The following MEGF6 variants were observed in gnomAD, a reference collection of about 807,000 sequenced individuals.
MEGF6 encodes multiple epidermal growth factor-like domains protein 6.
Under a neutral mutation model 207.1 loss-of-function variants are expected in MEGF6, and 184 were observed. The observed-to-expected ratio is 0.89, with a 90% CI of 0.79 to 1.00. MEGF6 has a LOEUF of 1.00. Ranked by LOEUF, MEGF6 falls within the 50% of genes least tolerant of loss-of-function variation. MEGF6 has a pLI of 0.00. For missense variants in MEGF6, 2,282 were observed against 2,202.9 expected, an observed-to-expected ratio of 1.04 and a Z score of -0.72; for synonymous variants, 1,038 against 910.0, an observed-to-expected ratio of 1.14 and a Z score of -2.53.
chr1:3,517,319 C>G (rs1051215348), intron 5 of MEGF6, among the ~76,000 whole-genome samples: 2 of 152,188 alleles, frequency 1.3e-5, no homozygotes, highest in African/African-American at 4.8e-5. Context: ...ACAGGCAGAG[C>G]CCTGAGACGC....
intron 1 of MEGF6, among the ~76,000 whole-genome samples, chr1:3,610,473 C>CCCTCCTCCTCCTCCT (rs879724888): frequency 1.4e-5 from 2 of 146,338 alleles, no homozygotes; most frequent in South Asian, 2.2e-4. Context: ...CCAGCGACTC[C>CCCTCCTCCTCCTCCT]CCTCCTCCTC....
chr1:3,531,413 G>A (rs907899938), intron 4 of MEGF6: 3 of 1,136,644 alleles, frequency 2.6e-6, no homozygotes, highest in African/African-American at 1.6e-5. Flanking sequence ...AGCCGCTCTG[G>A]GCCGGGCGCG....
At chr1:3,531,963 C>G (rs967819389) in intron 4 of MEGF6, among the ~76,000 whole-genome samples, 1 of 152,212 alleles carries the variant, frequency 6.6e-6, no homozygotes, top group South Asian at 2.1e-4. Flanking sequence ...CCAGTCCCCA[C>G]GTCCAGTGCC....
chr1:3,529,288 A>G (rs1381542733), intron 4 of MEGF6, among the ~76,000 whole-genome samples: 1 of 152,158 alleles, frequency 6.6e-6, no homozygotes, highest in Non-Finnish European at 1.5e-5. Context: ...GCCCCAGCAA[A>G]GGCCGAAAGG....
chr1:3,608,334 C>CA (rs1425153739), intron 1 of MEGF6, among the ~76,000 whole-genome samples: 1 of 152,140 alleles, frequency 6.6e-6, no homozygotes, highest in African/African-American at 2.4e-5. Flanking sequence ...CCTTCCCCTC[C>CA]AGGTCACGTG....
At chr1:3,491,976 T>C (rs958355902) in intron 35 of MEGF6, among the ~76,000 whole-genome samples, 15 of 151,862 alleles carry the variant, frequency 9.9e-5, no homozygotes. Flanking sequence ...CGCACATGCA[T>C]GCACTATTGC....
chr1:3,502,066 G>A (rs1640921571), intron 17 of MEGF6, 145 bp from the exon 18 acceptor site: 4 of 1,429,106 alleles, frequency 2.8e-6, no homozygotes, highest in Admixed American at 4.0e-5. Flanking sequence ...CTCCTCACAT[G>A]GGCTCCTGGC....
Position 3,556,899 on chromosome 1 carries a change from C to T in MEGF6, c.481+22926G>A, listed in dbSNP as rs749464053. 5.9e-5 allele frequency among the ~76,000 whole-genome samples: 9 copies of T among 152,284 alleles called. No homozygotes were observed. Among genetic ancestry groups the T allele is most frequent in the Non-Finnish European group, 1.0e-4 (7 of 68,032 alleles). On this transcript the variant is annotated intron_variant, in intron 4 of 36. Coordinates refer to ENST00000356575, the MANE Select transcript of MEGF6 (RefSeq NM_001409.4). The surrounding 1 kb of genome is among the most constrained non-coding windows in gnomAD (Gnocchi z 4.4). ...AGGGGAGCCAGGGCTGTGGAAAGAA[C>T]GAAGGCAGCCCCTCAGCCGACCTGA...
chr1:3,523,696 T>C (rs1418081631), intron 5 of MEGF6, among the ~76,000 whole-genome samples: 1 of 152,176 alleles, frequency 6.6e-6, no homozygotes, highest in African/African-American at 2.4e-5. Flanking sequence ...CCCCACCACG[T>C]AGCACGTGAC....
chr1:3,551,571 A>G lies in MEGF6; in HGVS notation c.482-27325T>C, dbSNP rs367642882. ...CACAAGGTCAACACAGACCCAACAC[A>G]TGCTCCCAGGATGCGGTCCAGCTCC... is the stretch of plus-strand genomic sequence containing the variant. On this transcript the variant is annotated intron_variant, in intron 4 of 36. Coordinates refer to ENST00000356575, the MANE Select transcript of MEGF6 (RefSeq NM_001409.4). Among the ~76,000 whole-genome samples the G allele has an allele frequency of 4.7e-3, 719 of 152,036 alleles. 13 individuals carry two copies. The South Asian group carries it at 0.057, about 12-fold the overall frequency.
chr1:3,545,194 G>A (rs1321221547), intron 4 of MEGF6, among the ~76,000 whole-genome samples: 2 of 152,254 alleles, frequency 1.3e-5, no homozygotes, highest in Admixed American at 6.5e-5. Flanking sequence ...CTAGCCCCAG[G>A]GACACCAGCC....
At chr1:3,530,322 C>A (rs769302069) in intron 4 of MEGF6, among the ~76,000 whole-genome samples, 3 of 152,178 alleles carry the variant, frequency 2.0e-5, no homozygotes, top group African/African-American at 7.2e-5. Context: ...GGAGGGGTGA[C>A]GTCTCTAAGG....
chr1:3,499,019 C>G lies in MEGF6; in HGVS notation c.3094+119G>C, dbSNP rs115842962. ...GGGCACAGGTGAAAGGCACGGTCCT[C>G]AGTCCTAACAGCCCCTTCCTCCCTC... On this transcript the variant is annotated intron_variant, in intron 24 of 36. Coordinates refer to ENST00000356575, the MANE Select transcript of MEGF6 (RefSeq NM_001409.4). 574 of 1,452,792 alleles carry G rather than the reference C, an allele frequency of 4.0e-4. 3 individuals carry two copies. The African/African-American group carries it at 7.6e-3, about 19-fold the overall frequency. 90.0% of individuals were successfully genotyped at this position (1,452,792 alleles called of 1,614,324 possible).
In MEGF6 at chr1:3,494,048, G is replaced by C; in HGVS notation, c.4206C>G (p.Ile1402Met). The C allele has an allele frequency of 6.2e-7, 1 of 1,609,362 alleles. No homozygotes were observed. Among genetic ancestry groups the C allele is most frequent in the Non-Finnish European group, 8.5e-7 (1 of 1,178,314 alleles). ...WCQHGAPCDP[I>M]SGRCLCPAGF... ...CGGCAGGGCAGAGGCATCGGCCACTGATGGGGTCGCAGGGGGCTCCATGTT... is the reference window on the plus strand; with the variant it reads ...CGGCAGGGCAGAGGCATCGGCCACTCATGGGGTCGCAGGGGGCTCCATGTT... Residue 1402 changes from isoleucine to methionine, a missense_variant, in exon 33 of 37, where the codon ATC becomes ATG. By Grantham distance (10) the Ile-to-Met change is conservative. Coordinates refer to ENST00000356575, the MANE Select transcript of MEGF6 (RefSeq NM_001409.4).
intron 4 of MEGF6, among the ~76,000 whole-genome samples, chr1:3,529,667 T>G (rs2101342406): frequency 6.6e-6 from 1 of 152,244 alleles, no homozygotes. Context: ...ACCTGCAGTG[T>G]CTACCAGGCT....
At chr1:3,539,013 T>C (rs1018823515) in intron 4 of MEGF6, among the ~76,000 whole-genome samples, 3 of 152,110 alleles carry the variant, frequency 2.0e-5, no homozygotes, top group African/African-American at 7.2e-5. Context: ...GAGGTGGCAC[T>C]CAGCTGGCCT....
chr1:3,607,939 G>A (rs1362329226), intron 1 of MEGF6, among the ~76,000 whole-genome samples: 3 of 152,148 alleles, frequency 2.0e-5, no homozygotes, highest in Non-Finnish European at 2.9e-5. Context: ...TGGGGAGGGC[G>A]GGGATCCAGA....
chr1:3,580,033 G>A (rs1338498699), intron 3 of MEGF6, 104 bp from the exon 4 acceptor site: 2 of 764,376 alleles, frequency 2.6e-6, no homozygotes, highest in Admixed American at 3.7e-5. Context: ...CAGCCTGCCA[G>A]GTCCCCAGCC....
At chr1:3,585,107 G>C (rs1300700509) in intron 3 of MEGF6, among the ~76,000 whole-genome samples, 1 of 148,296 alleles carries the variant, frequency 6.7e-6, no homozygotes, top group East Asian at 2.2e-4. Context: ...TCCTGTGTGA[G>C]GACGTATGTC....
Sources: gnomAD v4.1 joint callset for allele counts (sites outside exome capture counted in the v4.1 genomes callset) on GRCh38, gnomAD v4.1.1 for gene constraint, Gnocchi (gnomAD v3.1) non-coding constraint, MANE v1.5 for transcripts, NCBI Gene and HGNC (gene_info 2026-07-23, HGNC 2026-07-21) for gene names.